Variants in CLCN3 observed in about 807,000 individuals in gnomAD.
The protein encoded by CLCN3 is Cl-/H+ antiporter 3.
In CLCN3, 16 loss-of-function variants were observed where a neutral mutation model predicts 83.4. The observed-to-expected ratio is 0.19, with a 90% CI of 0.13 to 0.29. The LOEUF is 0.29. Ranked by LOEUF, CLCN3 falls within the 10% of genes least tolerant of loss-of-function variation. The pLI is 1.00. For missense variants in CLCN3, 544 were observed against 1,006.0 expected, an observed-to-expected ratio of 0.54 and a Z score of 6.21; for synonymous variants, 322 against 346.2, an observed-to-expected ratio of 0.93 and a Z score of 0.78.
chr4:169,673,374 A>G (rs1257359049), intron 2 of CLCN3, among the ~76,000 whole-genome samples: 1 of 152,226 alleles, frequency 6.6e-6, no homozygotes, highest in Non-Finnish European at 1.5e-5. Flanking sequence ...TGTTTATTGC[A>G]CTACTGTACC....
intron 3 of CLCN3, among the ~76,000 whole-genome samples, chr4:169,686,208 A>G (rs1732152237): frequency 6.6e-6 from 1 of 151,926 alleles, no homozygotes; most frequent in African/African-American, 2.4e-5. Context: ...GCATTAGGAG[A>G]TATACCTAAT....
At chr4:169,655,260 A>G (rs916715575) in intron 2 of CLCN3, among the ~76,000 whole-genome samples, 1 of 152,188 alleles carries the variant, frequency 6.6e-6, no homozygotes, top group Non-Finnish European at 1.5e-5. Context: ...ATTAGGTAGC[A>G]TTTATTTTCT....
chr4:169,676,996 C>T (rs530067213), intron 2 of CLCN3, among the ~76,000 whole-genome samples: 14 of 151,886 alleles, frequency 9.2e-5, no homozygotes, highest in Admixed American at 6.5e-5. Context: ...TAGATTAATC[C>T]GCCTAGTTCC....
chr4:169,713,690 A>G (rs1009640083), intron 12 of CLCN3, among the ~76,000 whole-genome samples: 8 of 152,194 alleles, frequency 5.3e-5, no homozygotes, highest in Non-Finnish European at 8.8e-5. Flanking sequence ...TTCTAGTACA[A>G]TAATAAGTTT....
At position 169,704,083 on chromosome 4, in the gene CLCN3, A is replaced by T. The variant is rs1313353344; in HGVS notation, c.1649A>T (p.Tyr550Phe). The T allele has an allele frequency of 6.2e-7, 1 of 1,613,922 alleles. No individual in the cohort carries two copies. Among genetic ancestry groups the T allele is most frequent in the African/African-American group, 1.3e-5 (1 of 74,892 alleles). Residue 550 changes from tyrosine to phenylalanine, a missense_variant, in exon 10 of 13, where the codon TAC becomes TTC. Around this residue, in one of 6 missense-constraint regions of CLCN3, gnomAD observed 194 missense variants for 341.4 expected, o/e 0.57. Coordinates refer to ENST00000513761, the MANE Select transcript of CLCN3 (RefSeq NM_001829.4). ...IVGIAVEQLA[Y>F]YHHDWFIFKE... ...GGGATTGCGGTGGAGCAGCTTGCCTACTATCACCACGACTGGTTTATCTTT... is the reference window on the plus strand; with the variant it reads ...GGGATTGCGGTGGAGCAGCTTGCCTTCTATCACCACGACTGGTTTATCTTT...
chr4:169,698,081 T>G (rs1732636902), intron 9 of CLCN3, among the ~76,000 whole-genome samples: 1 of 152,210 alleles, frequency 6.6e-6, no homozygotes, highest in Non-Finnish European at 1.5e-5. Context: ...AAGCTTCTTT[T>G]TTTCGTTTCC....
At chr4:169,647,753 T>C (rs138525944) in intron 2 of CLCN3, among the ~76,000 whole-genome samples, 104 of 152,302 alleles carry the variant, frequency 6.8e-4, no homozygotes, top group African/African-American at 2.4e-3. Flanking sequence ...ATCAAATAAT[T>C]TATGTACCCA....
intron 2 of CLCN3, among the ~76,000 whole-genome samples, chr4:169,678,139 G>A (rs1381488022): frequency 2.6e-5 from 4 of 152,194 alleles, no homozygotes; most frequent in African/African-American, 9.6e-5. Context: ...CTACTGGACA[G>A]AATTCATTTG....
At chr4:169,702,950 T>C (rs763257968) in intron 9 of CLCN3, 11 of 165,608 alleles carry the variant, frequency 6.6e-5, no homozygotes, top group South Asian at 2.9e-4. Flanking sequence ...TTCAATATCA[T>C]TGGGTCTCAG....
intron 4 of CLCN3, among the ~76,000 whole-genome samples, chr4:169,688,121 A>G (rs771306662): frequency 2.0e-5 from 3 of 152,222 alleles, no homozygotes; most frequent in East Asian, 3.8e-4. Context: ...CTTGACATGT[A>G]TTTAAACCTC....
At chr4:169,698,096 TAAA>T (rs1560866371) in intron 9 of CLCN3, among the ~76,000 whole-genome samples, 2 of 152,192 alleles carry the variant, frequency 1.3e-5, no homozygotes, top group Non-Finnish European at 2.9e-5. Context: ...GTTTCCTTTT[TAAA>T]AAACTGTTTT....
At chr4:169,622,564 T>C (rs1481623129) in intron 1 of CLCN3, among the ~76,000 whole-genome samples, 2 of 152,210 alleles carry the variant, frequency 1.3e-5, no homozygotes, top group African/African-American at 4.8e-5. Flanking sequence ...ATAATAAGTG[T>C]TAATATTTGT....
At chr4:169,687,328 C>A (rs1581250628) in intron 3 of CLCN3, among the ~76,000 whole-genome samples, 1 of 152,068 alleles carries the variant, frequency 6.6e-6, no homozygotes, top group South Asian at 2.1e-4. Context: ...CACCTGTAAT[C>A]CCAGCACTTT....
intron 10 of CLCN3, among the ~76,000 whole-genome samples, chr4:169,705,938 G>A (rs1732971439): frequency 6.6e-6 from 1 of 152,094 alleles, no homozygotes; most frequent in Non-Finnish European, 1.5e-5. Flanking sequence ...GGCTGAGGTG[G>A]GAGGATCATG....
Position 169,713,198 on chromosome 4 carries a change from A to G in CLCN3, c.2269A>G (p.Met757Val). Residue 757 changes from methionine (M) to valine (V), a missense_variant, in exon 12 of 13, where the codon ATG (methionine) becomes GTG (valine). This residue lies in a region of CLCN3 where 142 missense variants were observed against 225.0 expected (regional missense o/e 0.63). Coordinates refer to ENST00000513761, the MANE Select transcript of CLCN3 (RefSeq NM_001829.4). ...RPLKLRSILD[M>V]SPFTVTDHTP... ...ATTGAAGCTTCGAAGCATTCTTGACATGAGCCCTTTTACAGTGACAGACCA... is the reference window on the plus strand; with the variant it reads ...ATTGAAGCTTCGAAGCATTCTTGACGTGAGCCCTTTTACAGTGACAGACCA... The G allele has an allele frequency of 6.2e-7, 1 of 1,614,148 alleles. No individual in the cohort carries two copies. Among genetic ancestry groups the G allele is most frequent in the Non-Finnish European group, 8.5e-7 (1 of 1,180,006 alleles).
At position 169,721,631 on chromosome 4, in the gene CLCN3, G is replaced by C. The variant is rs528612475; in HGVS notation, c.*1634G>C. 1.3e-5 allele frequency: 2 copies of C among 152,222 alleles called. No individual in the cohort carries two copies. The highest frequency in any genetic ancestry group is 1.9e-4 in the East Asian group (1 of 5,190). The allele number at this position is 152,222 out of a possible 1,614,324, so 9.4% of individuals were successfully genotyped here. On this transcript the variant is annotated 3_prime_UTR_variant, in exon 13 of 13. Coordinates refer to ENST00000513761, the MANE Select transcript of CLCN3 (RefSeq NM_001829.4). ...ACCTTTGAATCTCGGGCTAGGTTACGTCCATATTTGAAGTGGTCAGTGATG... is the reference window on the plus strand; with the variant it reads ...ACCTTTGAATCTCGGGCTAGGTTACCTCCATATTTGAAGTGGTCAGTGATG...
intron 3 of CLCN3, among the ~76,000 whole-genome samples, chr4:169,687,127 A>G (rs554838547): frequency 1.6e-4 from 24 of 152,366 alleles, no homozygotes; most frequent in African/African-American, 5.5e-4. Flanking sequence ...GGACCAGAGA[A>G]TGACCGATAA....
chr4:169,695,378 C>CA (rs1444589331), intron 7 of CLCN3, among the ~76,000 whole-genome samples: 1 of 152,082 alleles, frequency 6.6e-6, no homozygotes, highest in Non-Finnish European at 1.5e-5. Flanking sequence ...GTATATCTGG[C>CA]AAAAATTTTT....
At chr4:169,652,388 T>C (rs113430982) in intron 2 of CLCN3, among the ~76,000 whole-genome samples, 6 of 152,364 alleles carry the variant, frequency 3.9e-5, no homozygotes, top group African/African-American at 1.2e-4. Flanking sequence ...TGGAATCATA[T>C]AGTGTATATG....
Sources: allele counts gnomAD v4.1 joint callset (sites outside exome capture counted in the v4.1 genomes callset), GRCh38; gene constraint gnomAD v4.1.1; regional missense constraint gnomAD v4.1.1; transcripts MANE v1.5; gene names NCBI Gene and HGNC (gene_info 2026-07-23, HGNC 2026-07-21).